Variants in WWOX observed in about 807,000 individuals in gnomAD.
WWOX encodes WW domain-containing oxidoreductase.
WWOX carries 69 observed loss-of-function variants against 46.2 expected under a neutral mutation model. That is an observed-to-expected ratio of 1.49 (90% CI 1.23 to 1.82). The LOEUF (loss-of-function observed/expected upper bound fraction) is 1.82. Ranked by LOEUF, WWOX falls within the 40% of genes most tolerant of loss-of-function variation. The pLI, the probability that WWOX is intolerant of heterozygous loss-of-function variation, is 0.00. For missense variants in WWOX, 919 were observed against 542.6 expected, an observed-to-expected ratio of 1.69 and a Z score of -6.89; for synonymous variants, 359 against 202.6, an observed-to-expected ratio of 1.77 and a Z score of -6.56.
chr16:78,621,866 AAGTGCTGGGATTAC>A (rs1417007912), intron 8 of WWOX, among the ~76,000 whole-genome samples: 15 of 151,852 alleles, frequency 9.9e-5, no homozygotes, highest in Non-Finnish European at 2.2e-4. Flanking sequence ...TAGCCTCCCA[AAGTGCTGGGATTAC>A]AGGCGTGAGC....
intron 8 of WWOX, among the ~76,000 whole-genome samples, chr16:78,489,415 A>G (rs2084722522): frequency 6.6e-6 from 1 of 152,124 alleles, no homozygotes; most frequent in Non-Finnish European, 1.5e-5. Context: ...ACCTGCTAAC[A>G]TACATTTCAG....
At chr16:79,124,074 A>G (rs974858317) in intron 8 of WWOX, among the ~76,000 whole-genome samples, 2 of 151,684 alleles carry the variant, frequency 1.3e-5, no homozygotes, top group Non-Finnish European at 2.9e-5. Context: ...GACTCGGAGC[A>G]CTCGTGCTCT....
At chr16:78,801,786 A>G (rs978534413) in intron 8 of WWOX, among the ~76,000 whole-genome samples, 1 of 152,178 alleles carries the variant, frequency 6.6e-6, no homozygotes, top group Admixed American at 6.5e-5. Context: ...AGACAAAGGG[A>G]CATTTCATTT....
intron 6 of WWOX, among the ~76,000 whole-genome samples, chr16:78,417,000 G>A (rs2082812222): frequency 6.6e-6 from 1 of 150,660 alleles, no homozygotes; most frequent in Non-Finnish European, 1.5e-5. Context: ...TAAGACAGAA[G>A]GTATTGTGCA....
intron 8 of WWOX, among the ~76,000 whole-genome samples, chr16:78,500,857 A>C (rs914410660): frequency 2.0e-5 from 3 of 152,202 alleles, no homozygotes; most frequent in African/African-American, 7.2e-5. Context: ...TGGGCCTGCT[A>C]GGAGTCGATA....
chr16:78,644,134 A>G (rs1376822314), intron 8 of WWOX, among the ~76,000 whole-genome samples: 1 of 152,124 alleles, frequency 6.6e-6, no homozygotes, highest in Non-Finnish European at 1.5e-5. Flanking sequence ...AGGCGGGAGA[A>G]TCATTTGAAC....
chr16:78,803,432 C>A (rs1030129097), intron 8 of WWOX, among the ~76,000 whole-genome samples: 1 of 152,020 alleles, frequency 6.6e-6, no homozygotes, highest in East Asian at 1.9e-4. Context: ...AAAAGTATTA[C>A]GTGGGTTTCA....
intron 8 of WWOX, among the ~76,000 whole-genome samples, chr16:78,792,370 C>G (rs563892356): frequency 1.3e-3 from 196 of 152,068 alleles, no homozygotes; most frequent in Non-Finnish European, 2.2e-3. Context: ...AAGGTAGAAA[C>G]AGAAAAAAAC....
At chr16:78,214,851 G>A (rs1263481503) in intron 5 of WWOX, among the ~76,000 whole-genome samples, 5 of 150,244 alleles carry the variant, frequency 3.3e-5, no homozygotes, top group African/African-American at 9.8e-5. Context: ...AAAAAGGTTT[G>A]TCGTTTAAAA....
intron 8 of WWOX, among the ~76,000 whole-genome samples, chr16:79,021,221 A>T (rs181304422): frequency 3.5e-4 from 54 of 152,292 alleles, no homozygotes; most frequent in Middle Eastern, 3.4e-3. Context: ...ATAGTTTTTC[A>T]GTCACTTTGC....
chr16:78,345,143 G>C (rs1478620998), intron 5 of WWOX, among the ~76,000 whole-genome samples: 1 of 118,166 alleles, frequency 8.5e-6, no homozygotes, highest in Non-Finnish European at 2.0e-5. Context: ...CTGTCAAGTC[G>C]ATCAGGTGGC....
chr16:78,415,722 G>C (rs1419062795), intron 6 of WWOX, among the ~76,000 whole-genome samples: 1 of 152,176 alleles, frequency 6.6e-6, no homozygotes, highest in Non-Finnish European at 1.5e-5. Flanking sequence ...TGGTCCCTTT[G>C]CAGTAGGAAG....
At position 78,824,638 on chromosome 16, in the gene WWOX, G is replaced by A. The variant is rs977742207; in HGVS notation, c.1057-386970G>A. On this transcript the variant is annotated intron_variant, in intron 8 of 8. Coordinates refer to ENST00000566780, the MANE Select transcript of WWOX (RefSeq NM_016373.4). Reference sequence around the variant, plus strand: ...TGAAAGGCACTTCTTACACGGCAGCGGCAAGAGAAAATGAGGAAGAAGCGC... The same window carrying A: ...TGAAAGGCACTTCTTACACGGCAGCAGCAAGAGAAAATGAGGAAGAAGCGC... 2.9e-4 allele frequency among the ~76,000 whole-genome samples: 44 copies of A among 152,112 alleles called. 1 individual carries two copies. Among genetic ancestry groups the A allele is most frequent in the Non-Finnish European group, 5.6e-4 (38 of 68,030 alleles).
At chr16:79,119,121 T>G (rs1309898692) in intron 8 of WWOX, among the ~76,000 whole-genome samples, 1 of 152,134 alleles carries the variant, frequency 6.6e-6, no homozygotes, top group Non-Finnish European at 1.5e-5. Context: ...TCCAAAAGGT[T>G]TGTAGCAATT....
At chr16:78,684,546 G>T (rs978639316) in intron 8 of WWOX, among the ~76,000 whole-genome samples, 1 of 152,134 alleles carries the variant, frequency 6.6e-6, no homozygotes, top group Non-Finnish European at 1.5e-5. Context: ...AAGCATGCCC[G>T]CTGGCTCAGG....
At chr16:78,978,113 G>A (rs894520344) in intron 8 of WWOX, among the ~76,000 whole-genome samples, 1 of 152,136 alleles carries the variant, frequency 6.6e-6, no homozygotes, top group African/African-American at 2.4e-5. Context: ...ATTTAAGTGG[G>A]ATCATACAAT....
intron 6 of WWOX, among the ~76,000 whole-genome samples, chr16:78,423,346 A>G (rs550184520): frequency 7.7e-4 from 117 of 152,302 alleles, no homozygotes; most frequent in African/African-American, 2.7e-3. Flanking sequence ...GCTGCATAGT[A>G]TTCTATCATA....
intron 8 of WWOX, among the ~76,000 whole-genome samples, chr16:78,879,769 T>A (rs1224353000): frequency 6.6e-6 from 1 of 151,738 alleles, no homozygotes; most frequent in Non-Finnish European, 1.5e-5. Flanking sequence ...CCCAGCTACT[T>A]GGGAGGCTGA....
intron 8 of WWOX, among the ~76,000 whole-genome samples, chr16:78,592,057 C>T (rs1330331354): frequency 1.3e-5 from 2 of 152,106 alleles, no homozygotes; most frequent in African/African-American, 2.4e-5. Flanking sequence ...CAATATTTAC[C>T]TCTGAGGTCA....
Sources: allele counts gnomAD v4.1 joint callset (sites outside exome capture counted in the v4.1 genomes callset), GRCh38; gene constraint gnomAD v4.1.1; transcripts MANE v1.5; gene names NCBI Gene and HGNC (gene_info 2026-07-23, HGNC 2026-07-21).